SORBS2: variants seen among roughly 807,000 people sequenced by gnomAD.
The protein encoded by SORBS2 is sorbin and SH3 domain containing 2.
In SORBS2, 46 loss-of-function variants were observed where a neutral mutation model predicts 97.7. The observed-to-expected ratio is 0.47, with a 90% CI of 0.37 to 0.60. SORBS2 has a LOEUF of 0.60. Among genes scored for constraint, SORBS2 ranks in the 20% least tolerant of loss-of-function variants. The pLI, the probability that SORBS2 is intolerant of heterozygous loss-of-function variation, is 0.00. For missense variants in SORBS2, 1,316 were observed against 1,282.3 expected, an observed-to-expected ratio of 1.03 and a Z score of -0.40; for synonymous variants, 476 against 473.4, an observed-to-expected ratio of 1.01 and a Z score of -0.07.
intron 1 of SORBS2, among the ~76,000 whole-genome samples, chr4:185,815,107 A>G (rs1335215045): frequency 6.6e-6 from 1 of 152,246 alleles, no homozygotes; most frequent in Non-Finnish European, 1.5e-5. Context: ...TATGACAAGG[A>G]CACTTGGCAT....
At chr4:185,806,510 T>C (rs1229479516) in intron 1 of SORBS2, among the ~76,000 whole-genome samples, 1 of 135,056 alleles carries the variant, frequency 7.4e-6, no homozygotes, top group Non-Finnish European at 1.5e-5. Flanking sequence ...CAGGCTGGAG[T>C]GCAGTGGCGG....
upstream of SORBS2, chr4:185,657,393 C>T (rs1339109403): frequency 1.3e-6 from 2 of 1,507,210 alleles, no homozygotes; most frequent in African/African-American, 1.4e-5. Context: ...GTGCACAGCC[C>T]CAGACAGACG....
At chr4:185,671,573 G>A (rs904241912) in intron 4 of SORBS2, among the ~76,000 whole-genome samples, 3 of 152,196 alleles carry the variant, frequency 2.0e-5, no homozygotes, top group Non-Finnish European at 4.4e-5. Flanking sequence ...CTGGTGTGCT[G>A]TAATAGCTCT....
At chr4:185,611,236 T>C (rs926019637) in intron 12 of SORBS2, among the ~76,000 whole-genome samples, 2 of 152,070 alleles carry the variant, frequency 1.3e-5, no homozygotes, top group African/African-American at 4.8e-5. Flanking sequence ...ATTTTCCATA[T>C]AAAAAACTTG....
intron 6 of SORBS2, among the ~76,000 whole-genome samples, chr4:185,624,761 G>A (rs537858355): frequency 2.0e-5 from 3 of 152,182 alleles, no homozygotes; most frequent in Non-Finnish European, 4.4e-5. Flanking sequence ...ACCGACGTAA[G>A]CAAATACACC....
chr4:185,697,238 T>C (rs955262), intron 2 of SORBS2, among the ~76,000 whole-genome samples: 29,943 of 152,226 alleles, frequency 0.2, 3,627 homozygotes, highest in South Asian at 0.37. Context: ...TCTTTACCTT[T>C]GATTGAGTCT....
chr4:185,587,120 CA>C (rs2095809457), exon 15 of SORBS2: 1 of 157,312 alleles, frequency 6.4e-6, no homozygotes. Context: ...TTACAGTTGT[CA>C]TATTGTGTAA....
chr4:185,757,091 C>T lies in SORBS2; in HGVS notation c.-198+18136G>A, dbSNP rs967100691. On this transcript the variant is annotated intron_variant, in intron 2 of 20. Transcript: ENST00000284776. ...GTTCACTTTGGGATGGTTTTCCTGT[C>T]GAACTGCGTGGAAAAGCAGGAAGCA... The T allele has an allele frequency of 8.1e-5, 49 of 603,060 alleles. No individual in the cohort carries two copies. In the African/African-American group the frequency reaches 8.7e-4, roughly 11 times the overall value. The allele number at this position is 603,060 out of a possible 1,614,324, so 37.4% of individuals were successfully genotyped here. A position where few individuals can be genotyped will look rare whatever the true frequency, so the allele number is the denominator to read the frequency against.
rs117746645 is a variant in SORBS2 at position 185,885,914 on chromosome 4, G to C, written c.-338+70282C>G. On this transcript the variant is annotated intron_variant, in intron 1 of 20. Coordinates refer to the SORBS2 transcript ENST00000284776. ...GCATGATTTTTAAACTTTCTGTTTT[G>C]ATGCGTAGGTGCCAACAGGCAACTT... is the stretch of plus-strand genomic sequence containing the variant. Among the ~76,000 whole-genome samples, 20 of 152,260 alleles carry C rather than the reference G, an allele frequency of 1.3e-4. No individual in the cohort carries two copies. The East Asian group carries it at 2.7e-3, about 21-fold the overall frequency.
At chr4:185,683,105 A>G (rs766039200) in intron 2 of SORBS2, among the ~76,000 whole-genome samples, 1 of 152,120 alleles carries the variant, frequency 6.6e-6, no homozygotes, top group African/African-American at 2.4e-5. Context: ...TTAAACAATT[A>G]TGTCCAAAAT....
intron 12 of SORBS2, among the ~76,000 whole-genome samples, chr4:185,610,213 T>G (rs2096511249): frequency 6.6e-6 from 1 of 152,218 alleles, no homozygotes; most frequent in South Asian, 2.1e-4. Flanking sequence ...ACATACATGC[T>G]TTTCTTCCTT....
At chr4:185,806,352 A>C (rs1345215815) in intron 1 of SORBS2, among the ~76,000 whole-genome samples, 1 of 151,592 alleles carries the variant, frequency 6.6e-6, no homozygotes, top group Non-Finnish European at 1.5e-5. Flanking sequence ...CTGTGCATTT[A>C]AAACACTTGC....
chr4:185,704,962 C>T (rs964422643), intron 2 of SORBS2, among the ~76,000 whole-genome samples: 2 of 152,132 alleles, frequency 1.3e-5, no homozygotes, highest in African/African-American at 4.8e-5. Context: ...GCAATGGATC[C>T]GAAATGGATG....
chr4:185,593,297 C>T (rs1225988721), intron 13 of SORBS2: 2 of 152,334 alleles, frequency 1.3e-5, no homozygotes, highest in African/African-American at 2.4e-5. Context: ...CAACGTGTGA[C>T]ACCTTCAGGC....
At chr4:185,736,418 AC>A (rs2098688158) in intron 2 of SORBS2, among the ~76,000 whole-genome samples, 1 of 152,204 alleles carries the variant, frequency 6.6e-6, no homozygotes, top group Non-Finnish European at 1.5e-5. Context: ...AAGAAGCCTG[AC>A]CACAAAGCAA....
At chr4:185,909,594 A>T (rs2099253708) in intron 1 of SORBS2, among the ~76,000 whole-genome samples, 1 of 152,218 alleles carries the variant, frequency 6.6e-6, no homozygotes, top group Non-Finnish European at 1.5e-5. Context: ...ATTGCATTAA[A>T]AATCTTTCAA....
At chr4:185,859,500 G>A (rs776214948) in intron 1 of SORBS2, among the ~76,000 whole-genome samples, 21 of 152,188 alleles carry the variant, frequency 1.4e-4, no homozygotes, top group African/African-American at 4.6e-4. Flanking sequence ...TGCTAGGAAC[G>A]TCTGTTCTCC....
In SORBS2 at chr4:185,890,609, C is replaced by T. The variant is rs556318833; in HGVS notation, c.-338+65587G>A. Among the ~76,000 whole-genome samples the T allele has an allele frequency of 3.1e-4, 47 of 152,336 alleles. No homozygotes were observed. The South Asian group carries it at 8.7e-3, about 28-fold the overall frequency. On this transcript the variant is annotated intron_variant, in intron 1 of 20. Transcript: ENST00000284776. ...CCCTGACGGCTTCATGACGTGATCA[C>T]GCTCCACTCAGTGGTCTCACCTCTG...
intron 4 of SORBS2, among the ~76,000 whole-genome samples, chr4:185,633,288 A>G (rs1325726170): frequency 2.6e-5 from 4 of 152,226 alleles, no homozygotes; most frequent in African/African-American, 9.6e-5. Flanking sequence ...GTTTAATAAC[A>G]AAAGGTTATT....
Sources: allele counts gnomAD v4.1 joint callset (sites outside exome capture counted in the v4.1 genomes callset), GRCh38; gene constraint gnomAD v4.1.1; transcripts MANE v1.5; gene names NCBI Gene and HGNC (gene_info 2026-07-23, HGNC 2026-07-21).